CCT4: variants seen among roughly 807,000 people sequenced by gnomAD.
CCT4 encodes chaperonin containing TCP1 subunit 4, also known as T-complex protein 1 subunit delta.
In CCT4, 17 loss-of-function variants were observed where a neutral mutation model predicts 62.5. The observed-to-expected ratio is 0.27, with a 90% CI of 0.19 to 0.41. The LOEUF (loss-of-function observed/expected upper bound fraction) is 0.41. CCT4 is among the 10% of genes least tolerant of loss of function. The pLI is 1.00. For missense variants in CCT4, 592 were observed against 659.2 expected (o/e 0.90, Z 1.12); for synonymous variants, 250 against 229.9 (o/e 1.09, Z -0.79).
intron 1 of CCT4, among the ~76,000 whole-genome samples, chr2:61,887,614 CTCTTAA>C (rs1669287613): frequency 6.6e-6 from 1 of 152,198 alleles, no homozygotes; most frequent in Admixed American, 6.5e-5. Flanking sequence ...AACTCGATTT[CTCTTAA>C]TCTTAACTCT....
chr2:61,868,845 G>T, intron 13 of CCT4, 139 bp from the exon 14 acceptor site: 1 of 693,336 alleles, frequency 1.4e-6, no homozygotes. Flanking sequence ...TTTATCAAAA[G>T]TAAAAACTTG....
At chr2:61,885,993 G>C (rs1669240032) in intron 1 of CCT4, 1 of 152,192 alleles carries the variant, frequency 6.6e-6, no homozygotes, top group South Asian at 2.1e-4. Context: ...ACTCTGTCTA[G>C]TATGTAATCT....
chr2:61,876,232 C>A lies in CCT4; in HGVS notation c.780G>T (p.Met260Ile). 6.3e-7 allele frequency: 1 copy of A among 1,589,316 alleles called. No individual in the cohort carries two copies. Reference sequence around the variant, plus strand: ...AGTCAGAAACCACTATTTGATTATCCATCTGTTCAGAAAAAGAACATCATA... The same window carrying A: ...AGTCAGAAACCACTATTTGATTATCAATCTGTTCAGAAAAAGAACATCATA... Reference protein sequence around the residue: ...QFCLSAPKTDMDNQIVVSDYA... With the variant: ...QFCLSAPKTDIDNQIVVSDYA... Residue 260 changes from methionine to isoleucine, a missense_variant and splice_region_variant, in exon 8 of 14, where the codon ATG becomes ATT. Met to Ile is a conservative substitution (Grantham distance 10, BLOSUM62 1). This residue lies in a region of CCT4 where 522 missense variants were observed against 571.2 expected (regional missense o/e 0.91). Transcript: ENST00000394440.
At chr2:61,869,285 G>A (rs963393617) in intron 13 of CCT4, among the ~76,000 whole-genome samples, 155 bp downstream of exon 13, 3 of 151,974 alleles carry the variant, frequency 2.0e-5, no homozygotes, top group Non-Finnish European at 4.4e-5. Context: ...GCAGTGAGCC[G>A]AGACTGTGCT....
intron 13 of CCT4, among the ~76,000 whole-genome samples, chr2:61,869,062 A>C (rs13015363): frequency 0.24 from 35,948 of 149,262 alleles, 4,375 homozygotes; most frequent in Middle Eastern, 0.27. Context: ...GAATCGCTTG[A>C]ACCCAGGAGG....
At position 61,881,478 on chromosome 2, in the gene CCT4, TTA is replaced by T. The variant is rs1318422230; in HGVS notation, c.271-1086_271-1085del. On this transcript the variant is annotated intron_variant, in intron 3 of 13. Transcript: ENST00000394440. Reference sequence around the variant, plus strand: ...TTGCTCATATGACTTGACACCAGGTTTATGTTTTTAATCTCCTTATTCCTCAA... The same window carrying T: ...TTGCTCATATGACTTGACACCAGGTTTGTTTTTAATCTCCTTATTCCTCAA... 3.3e-5 allele frequency among the ~76,000 whole-genome samples: 5 copies of T among 152,242 alleles called. No individual in the cohort carries two copies. In the East Asian group the frequency reaches 7.7e-4, roughly 24 times the overall value.
At chr2:61,880,039 T>G (rs13430989) in intron 4 of CCT4, among the ~76,000 whole-genome samples, 1,785 of 152,308 alleles carry the variant, frequency 0.012, 28 homozygotes, top group African/African-American at 0.04. Flanking sequence ...CTACCACTCA[T>G]TTTTGAACAG....
chr2:61,885,367 T>C (rs1274554106), intron 1 of CCT4, among the ~76,000 whole-genome samples: 1 of 152,182 alleles, frequency 6.6e-6, no homozygotes, highest in Non-Finnish European at 1.5e-5. Flanking sequence ...TTATTTTTCT[T>C]TTAAATGTAT....
Position 61,888,519 on chromosome 2 carries a change from C to G in CCT4, c.-12G>C. Reference sequence around the variant, plus strand: ...ACATTCTCGGGCATGGCAAACTCCGCTGTGTCTGGGTTGGCTCGGGAAGGA... The same window carrying G: ...ACATTCTCGGGCATGGCAAACTCCGGTGTGTCTGGGTTGGCTCGGGAAGGA... On this transcript the variant is annotated 5_prime_UTR_variant, in exon 1 of 14. Coordinates refer to ENST00000394440, the MANE Select transcript of CCT4 (RefSeq NM_006430.4). 1 of 1,610,348 alleles carries G rather than the reference C, an allele frequency of 6.2e-7. No individual in the cohort carries two copies. The highest frequency in any genetic ancestry group is 8.5e-7 in the Non-Finnish European group (1 of 1,178,600).
Position 61,888,602 on chromosome 2 carries a change from T to C in CCT4, c.-95A>G, listed in dbSNP as rs1182996091. 3 of 1,398,154 alleles carry C rather than the reference T, an allele frequency of 2.1e-6. No homozygotes were observed. In the East Asian group the frequency reaches 7.5e-5, roughly 35 times the overall value. 86.6% of individuals were successfully genotyped at this position (1,398,154 alleles called of 1,614,324 possible). A position where few individuals can be genotyped will look rare whatever the true frequency, so the allele number is the denominator to read the frequency against. On this transcript the variant is annotated 5_prime_UTR_variant, in exon 1 of 14. Coordinates refer to ENST00000394440, the MANE Select transcript of CCT4 (RefSeq NM_006430.4). ...TAATAACGGTAAGCCCTCACTGCCTTCACGAACCTTCCAGAAAGCGGCGCC... is the reference window on the plus strand; with the variant it reads ...TAATAACGGTAAGCCCTCACTGCCTCCACGAACCTTCCAGAAAGCGGCGCC...
At chr2:61,881,616 A>G (rs1228208430) in intron 3 of CCT4, among the ~76,000 whole-genome samples, 1 of 152,190 alleles carries the variant, frequency 6.6e-6, no homozygotes, top group African/African-American at 2.4e-5. Flanking sequence ...AAGACCATTA[A>G]TATTTGTATA....
Position 61,868,580 on chromosome 2 carries a change from C to G in CCT4, c.*112G>C. The stretch of plus-strand genomic sequence containing the variant: ...TTCAGGCAAATGCCAACTGGAAGAC[C>G]AAGCCCAGAAATTCAGAGGAAATAA... On this transcript the variant is annotated 3_prime_UTR_variant, in exon 14 of 14. Coordinates refer to ENST00000394440, the MANE Select transcript of CCT4 (RefSeq NM_006430.4). The G allele has an allele frequency of 1.3e-6, 1 of 799,740 alleles. No homozygotes were observed. Among genetic ancestry groups the G allele is most frequent in the East Asian group, 2.5e-5 (1 of 40,410 alleles). The allele number at this position is 799,740 out of a possible 1,614,324, so 49.5% of individuals were successfully genotyped here.
intron 7 of CCT4, among the ~76,000 whole-genome samples, chr2:61,876,635 T>C (rs953618613): frequency 7.2e-5 from 11 of 152,146 alleles, no homozygotes; most frequent in African/African-American, 1.9e-4. Flanking sequence ...AATAGCACCC[T>C]GCAACCTCAA....
chr2:61,873,064 T>C lies in CCT4; in HGVS notation c.1063A>G (p.Met355Val). 3.1e-6 allele frequency: 5 copies of C among 1,613,638 alleles called. No individual in the cohort carries two copies. The highest frequency in any genetic ancestry group is 4.2e-6 in the Non-Finnish European group (5 of 1,179,502). ...TCAGCTAACTCAGCAGAACCCAGCA[T>C]GTCAGCAGTAAATTGGTCAATATGA... The part of the protein sequence containing the change: ...VAHIDQFTAD[M>V]LGSAELAEEV... The change falls in exon 10 of 14, where the codon ATG (methionine) becomes GTG (valine). Residue 355 changes from methionine (M) to valine (V), a missense_variant. Physicochemically the swap from Met to Val is conservative, Grantham distance 21. Around this residue, in one of 3 missense-constraint regions of CCT4, gnomAD observed 522 missense variants for 571.2 expected, o/e 0.91. Transcript: ENST00000394440.
rs768770405 is a variant in CCT4 at position 61,872,222 on chromosome 2, C to G, written c.1351G>C (p.Val451Leu). Residue 451 changes from valine (V) to leucine (L), a missense_variant, in exon 12 of 14, where the codon GTT (valine) becomes CTT (leucine). Coordinates refer to ENST00000394440, the MANE Select transcript of CCT4 (RefSeq NM_006430.4). ...RTLSGMESYCVRAFADAMEVI... is the reference protein window; with the variant it reads ...RTLSGMESYCLRAFADAMEVI... Reference sequence around the variant, plus strand: ...TCCATAGCATCTGCAAAAGCACGAACGCAGTAGGATTCCATACCACTCAGT... The same window carrying G: ...TCCATAGCATCTGCAAAAGCACGAAGGCAGTAGGATTCCATACCACTCAGT... The G allele has an allele frequency of 3.7e-6, 6 of 1,613,872 alleles. 1 individual carries two copies. In the South Asian group the frequency reaches 4.4e-5, roughly 12 times the overall value.
chr2:61,878,724 A>G, intron 5 of CCT4, 145 bp downstream of exon 5: 1 of 491,232 alleles, frequency 2.0e-6, no homozygotes, highest in Middle Eastern at 5.4e-4. Flanking sequence ...TTCCTCTCTT[A>G]ATCTTAAACC....
intron 2 of CCT4, among the ~76,000 whole-genome samples, chr2:61,884,158 T>G (rs1038871516): frequency 1.5e-4 from 23 of 152,192 alleles, no homozygotes; most frequent in African/African-American, 5.5e-4. Flanking sequence ...TTATAATAGT[T>G]TCCACTTAAC....
At position 61,873,305 on chromosome 2, in the gene CCT4, A is replaced by C; in HGVS notation, c.918-12T>G. On this transcript the variant is annotated splice_polypyrimidine_tract_variant and intron_variant, in intron 8 of 13. Transcript: ENST00000394440. ...CACTAAGAGCATCTCTAAAATACAA[A>C]ATCAGTGATTATGTCAATGCTAGAT... 1 of 1,427,240 alleles carries C rather than the reference A, an allele frequency of 7.0e-7. No individual in the cohort carries two copies. The highest frequency in any genetic ancestry group is 9.8e-7 in the Non-Finnish European group (1 of 1,015,474). 88.4% of individuals were successfully genotyped at this position (1,427,240 alleles called of 1,614,324 possible).
chr2:61,885,946 G>A (rs1669239366), intron 1 of CCT4: 1 of 152,174 alleles, frequency 6.6e-6, no homozygotes, highest in South Asian at 2.1e-4. Flanking sequence ...TTTCAAATTA[G>A]GAATGCTCAA....
Sources: gnomAD v4.1 joint callset for allele counts (sites outside exome capture counted in the v4.1 genomes callset) on GRCh38, gnomAD v4.1.1 for gene constraint, gnomAD v4.1.1 regional missense constraint, MANE v1.5 for transcripts, NCBI Gene and HGNC (gene_info 2026-07-23, HGNC 2026-07-21) for gene names.